Variants in KIF15 observed in about 807,000 individuals in gnomAD.
KIF15 encodes the protein kinesin-like protein KIF15.
In KIF15, 140 loss-of-function variants were observed where a neutral mutation model predicts 190.6. That is an observed-to-expected ratio of 0.73 (90% CI 0.64 to 0.84). KIF15 has a LOEUF of 0.84. Among genes scored for constraint, KIF15 ranks in the 40% least tolerant of loss-of-function variants. The pLI, the probability that KIF15 is intolerant of heterozygous loss-of-function variation, is 0.00. For synonymous variants in KIF15, 528 were observed against 551.3 expected (o/e 0.96, Z 0.59); for missense variants, 1,372 against 1,584.4 (o/e 0.87, Z 2.28).
rs775938985 is a variant in KIF15 at position 44,813,114 on chromosome 3, G to A, written c.2317G>A (p.Glu773Lys). The A allele has an allele frequency of 1.3e-5, 21 of 1,595,902 alleles. No individual in the cohort carries two copies. In the East Asian group the frequency reaches 4.7e-4, roughly 36 times the overall value. The part of the protein sequence containing the change: ...SERIDWTKQQ[E>K]ELLSQLNVLE... ...AAGAATTGATTGGACCAAACAGCAGGAAGAGCTTCTCTCACAGTTGAATGT... is the reference window on the plus strand; with the variant it reads ...AAGAATTGATTGGACCAAACAGCAGAAAGAGCTTCTCTCACAGTTGAATGT... Residue 773 changes from glutamate to lysine, a missense_variant, in exon 19 of 35, where the codon GAA becomes AAA. Glu to Lys is a moderately conservative substitution (Grantham distance 56). Coordinates refer to ENST00000326047, the MANE Select transcript of KIF15 (RefSeq NM_020242.3).
intron 29 of KIF15, among the ~76,000 whole-genome samples, chr3:44,842,392 T>C (rs1698654354): frequency 6.6e-6 from 1 of 152,158 alleles, no homozygotes; most frequent in Non-Finnish European, 1.5e-5. Flanking sequence ...GATGTGATGC[T>C]CCACAGAAGA....
chr3:44,862,002 G>A (rs910910955), intron 6 of KIF15: 2 of 1,383,902 alleles, frequency 1.4e-6, no homozygotes, highest in Non-Finnish European at 1.9e-6. Flanking sequence ...AATTCCCTCC[G>A]CACCTCCAGG....
intron 29 of KIF15, among the ~76,000 whole-genome samples, chr3:44,842,801 G>C (rs756949347): frequency 6.6e-6 from 1 of 152,166 alleles, no homozygotes; most frequent in Non-Finnish European, 1.5e-5. Flanking sequence ...TAGAATCTAC[G>C]TAATAAATAG....
At chr3:44,859,412 C>T (rs1699217436) in intron 6 of KIF15, among the ~76,000 whole-genome samples, 1 of 152,124 alleles carries the variant, frequency 6.6e-6, no homozygotes, top group African/African-American at 2.4e-5. Context: ...TGTCCGTAAT[C>T]CCAGCACTTT....
At chr3:44,846,228 A>G (rs1698841018) in intron 30 of KIF15, among the ~76,000 whole-genome samples, 1 of 152,218 alleles carries the variant, frequency 6.6e-6, no homozygotes. Context: ...GAACTCAGCC[A>G]AGCACAGTTG....
In KIF15 at chr3:44,828,295, G is replaced by A; in HGVS notation, c.2938G>A (p.Asp980Asn). 1 of 1,605,812 alleles carries A rather than the reference G, an allele frequency of 6.2e-7. No homozygotes were observed. The highest frequency in any genetic ancestry group is 8.5e-7 in the Non-Finnish European group (1 of 1,172,528). ...ISSLEKSRDSDKKVVADLMNQ... is the reference protein window; with the variant it reads ...ISSLEKSRDSNKKVVADLMNQ... ...TTCCCTGGAAAAGTCTAGAGATTCT[G>A]ATAAGGTTGGTAGAGTTTGAAGCTA... The change falls in exon 24 of 35, where the codon GAT (aspartate) becomes AAT (asparagine). Residue 980 changes from aspartate (D) to asparagine (N), a missense_variant. Coordinates refer to ENST00000326047, the MANE Select transcript of KIF15 (RefSeq NM_020242.3).
At chr3:44,829,764 ATATT>A (rs1359936681) in intron 24 of KIF15, among the ~76,000 whole-genome samples, 1 of 140,796 alleles carries the variant, frequency 7.1e-6, no homozygotes, top group African/African-American at 2.6e-5. Flanking sequence ...AGATGTATAT[ATATT>A]ATAGATGTAT....
intron 10 of KIF15, chr3:44,799,238 T>C (rs1707138943): frequency 6.6e-6 from 3 of 456,524 alleles, no homozygotes; most frequent in South Asian, 4.6e-5. Flanking sequence ...TGGAAATGGC[T>C]GCTTAACACA....
At chr3:44,861,549 C>T (rs1032105236) in intron 6 of KIF15, among the ~76,000 whole-genome samples, 34 of 152,208 alleles carry the variant, frequency 2.2e-4, no homozygotes, top group African/African-American at 8.0e-4. Context: ...CGTGGATGGA[C>T]TCGGTGGGCC....
intron 20 of KIF15, among the ~76,000 whole-genome samples, chr3:44,822,736 C>T (rs1327588269): frequency 1.3e-5 from 2 of 152,116 alleles, no homozygotes; most frequent in South Asian, 2.1e-4. Context: ...CTTCTCTTCT[C>T]GCTTTATTTC....
chr3:44,762,036 C>T (rs904995845), intron 1 of KIF15, 152 bp downstream of exon 1: 35 of 943,542 alleles, frequency 3.7e-5, no homozygotes, highest in Non-Finnish European at 5.7e-5. Context: ...CCCGCTCTGT[C>T]GCTCAAAGAC....
chr3:44,797,554 G>A lies in KIF15; in HGVS notation c.853G>A (p.Ala285Thr). Residue 285 changes from alanine (A) to threonine (T), a missense_variant, in exon 9 of 35, where the codon GCA becomes ACA. Physicochemically the swap from Ala to Thr is moderately conservative, Grantham distance 58. Coordinates refer to ENST00000326047, the MANE Select transcript of KIF15 (RefSeq NM_020242.3). Reference sequence around the variant, plus strand: ...TTCTTTTCCGTCAACACTTTAGGAAGCAGGTAACATAAATCGATCATTGAG... The same window carrying A: ...TTCTTTTCCGTCAACACTTTAGGAAACAGGTAACATAAATCGATCATTGAG... ...THAEGMRLKE[A>T]GNINRSLSCL... The A allele has an allele frequency of 1.2e-6, 2 of 1,613,312 alleles. No individual in the cohort carries two copies. The highest frequency in any genetic ancestry group is 1.7e-6 in the Non-Finnish European group (2 of 1,179,688).
chr3:44,826,408 C>A lies in KIF15; in HGVS notation c.2734C>A (p.Arg912Ser), dbSNP rs553658146. 2 of 1,612,556 alleles carry A rather than the reference C, an allele frequency of 1.2e-6. No homozygotes were observed. Among genetic ancestry groups the A allele is most frequent in the African/African-American group, 2.7e-5 (2 of 74,838 alleles). The change falls in exon 22 of 35, where the codon CGC becomes AGC. Residue 912 changes from arginine (R) to serine (S), a missense_variant. Physicochemically the swap from Arg to Ser is moderately radical, Grantham distance 110. Transcript: ENST00000326047. ...GGAGCTTCTTGAGGCAGAAAAAGAA[C>A]GCAATAACAAATTATCATTACAGTT... ...LMELLEAEKE[R>S]NNKLSLQFEE...
chr3:44,852,684 G>A lies in KIF15; in HGVS notation c.4116G>A (p.Lys1372=), dbSNP rs750123625. The change falls in exon 35 of 35, where the codon AAG becomes AAA. Residue 1372 remains lysine, a synonymous_variant. Transcript: ENST00000326047. ...ENVRLAEETE[K]LRAENVFLKE... is the part of the protein sequence containing the mutation. ...TTAAAATTACTTAGGAGACAGAAAA[G>A]TTGCGTGCCGAAAATGTATTTTTAA... 3.1e-6 allele frequency: 5 copies of A among 1,596,662 alleles called. No homozygotes were observed. The African/African-American group carries it at 6.8e-5, about 22-fold the overall frequency.
Position 44,812,306 on chromosome 3 carries a change from A to C in KIF15, c.2277+17A>C. 6.4e-7 allele frequency: 1 copy of C among 1,568,800 alleles called. No individual in the cohort carries two copies. The highest frequency in any genetic ancestry group is 8.8e-7 in the Non-Finnish European group (1 of 1,140,776). ...ATGCAGGAGGTGAGACCAAGAGCAC[A>C]GCCTCAGAAAATGTATGAAGTACCC... On this transcript the variant is annotated intron_variant, in intron 18 of 34. Coordinates refer to ENST00000326047, the MANE Select transcript of KIF15 (RefSeq NM_020242.3).
rs759131703 is a variant in KIF15 at position 44,826,049 on chromosome 3, G to A, written c.2560G>A (p.Glu854Lys). The change falls in exon 21 of 35, where the codon GAA becomes AAA. Residue 854 changes from glutamate (E) to lysine (K), a missense_variant. Transcript: ENST00000326047. Reference protein sequence around the residue: ...LQLDNLRLENEKLLESKACLQ... With the variant: ...LQLDNLRLENKKLLESKACLQ... The stretch of plus-strand genomic sequence containing the variant: ...GTTTTCCTTATAAAGGTTAGAAAAC[G>A]AAAAGCTGCTTGAGAGCAAAGCCTG... 7.0e-6 allele frequency: 11 copies of A among 1,580,074 alleles called. No homozygotes were observed. The highest frequency in any genetic ancestry group is 2.4e-5 in the South Asian group (2 of 83,772).
chr3:44,864,359 G>A, intron 6 of KIF15: 2 of 1,613,946 alleles, frequency 1.2e-6, no homozygotes, highest in Non-Finnish European at 1.7e-6. Context: ...TAGCCTGAGG[G>A]TGTGGTGCTC....
chr3:44,821,974 AC>A (rs1319265239), intron 20 of KIF15, among the ~76,000 whole-genome samples: 1 of 151,870 alleles, frequency 6.6e-6, no homozygotes, highest in Non-Finnish European at 1.5e-5. Context: ...AAATACGAAA[AC>A]CAGTCAGGCG....
rs923134237 is a variant in KIF15, at chr3:44,838,440, T to A, written c.3318+19T>A. 1.9e-6 allele frequency: 3 copies of A among 1,605,894 alleles called. No homozygotes were observed. In the African/African-American group the frequency reaches 4.0e-5, roughly 22 times the overall value. On this transcript the variant is annotated intron_variant, in intron 27 of 34. Transcript: ENST00000326047. ...GCACAAGGTGAGAAACACACAGGTG[T>A]CACTCAAGATGGGAGACAAGAGACC...
Sources: allele counts gnomAD v4.1 joint callset (sites outside exome capture counted in the v4.1 genomes callset), GRCh38; gene constraint gnomAD v4.1.1; transcripts MANE v1.5; gene names NCBI Gene and HGNC (gene_info 2026-07-23, HGNC 2026-07-21).